The following DZIP3 variants were observed in gnomAD, a reference collection of about 807,000 sequenced individuals.
DZIP3 encodes the protein E3 ubiquitin-protein ligase DZIP3.
In DZIP3, 118 loss-of-function variants were observed where a neutral mutation model predicts 162.0. That is an observed-to-expected ratio of 0.73 (90% CI 0.63 to 0.85). The LOEUF is 0.85. Ranked by LOEUF, DZIP3 falls within the 40% of genes least tolerant of loss-of-function variation. The pLI, the probability that DZIP3 is intolerant of heterozygous loss-of-function variation, is 0.00. For missense variants in DZIP3, 1,331 were observed against 1,407.0 expected, an observed-to-expected ratio of 0.95 and a Z score of 0.86; for synonymous variants, 438 against 458.6, an observed-to-expected ratio of 0.96 and a Z score of 0.57.
In DZIP3 at chr3:108,633,006, G is replaced by A. The variant is rs750609461; in HGVS notation, c.750G>A (p.Thr250=). The A allele has an allele frequency of 1.1e-5, 16 of 1,502,848 alleles. No homozygotes were observed. The South Asian group carries it at 1.3e-4, about 12-fold the overall frequency. The allele number at this position is 1,502,848 out of a possible 1,614,324, so 93.1% of individuals were successfully genotyped here. ...KTTESNIMKQ[T]ICSYLDCERS... is the part of the protein sequence containing the mutation. Reference sequence around the variant, plus strand: ...CTGAAAGCAATATAATGAAGCAGACGATTTGTAGTTACCTAGATTGTGAAC... The same window carrying A: ...CTGAAAGCAATATAATGAAGCAGACAATTTGTAGTTACCTAGATTGTGAAC... Residue 250 remains threonine (T), a synonymous_variant, in exon 9 of 33, where the codon ACG becomes ACA. Transcript: ENST00000361582.
At chr3:108,667,336 A>G (rs574980045) in intron 21 of DZIP3, among the ~76,000 whole-genome samples, 1 of 152,288 alleles carries the variant, frequency 6.6e-6, no homozygotes, top group South Asian at 2.1e-4. Context: ...ATCACTGCAA[A>G]TACTACAAAC....
intron 21 of DZIP3, among the ~76,000 whole-genome samples, chr3:108,669,374 C>T (rs1943830223): frequency 6.6e-6 from 1 of 151,878 alleles, no homozygotes; most frequent in Admixed American, 6.6e-5. Flanking sequence ...TAAGCTGAAG[C>T]ATGAAGAGCT....
At chr3:108,616,272 A>G (rs1362576845) in intron 4 of DZIP3, among the ~76,000 whole-genome samples, 1 of 139,730 alleles carries the variant, frequency 7.2e-6, no homozygotes, top group Non-Finnish European at 1.5e-5. Context: ...TCAAAAATAA[A>G]TAAATAAATA....
chr3:108,593,048 G>A (rs774078786), intron 1 of DZIP3, among the ~76,000 whole-genome samples: 2 of 152,174 alleles, frequency 1.3e-5, no homozygotes, highest in Admixed American at 6.6e-5. Context: ...TCATGTTTAA[G>A]AGATTGGCTT....
intron 31 of DZIP3, 98 bp from the exon 32 acceptor site, chr3:108,690,689 C>T: frequency 9.4e-7 from 1 of 1,063,732 alleles, no homozygotes; most frequent in Non-Finnish European, 1.4e-6. Flanking sequence ...TAAAGATCCA[C>T]CAGAAGACAT....
chr3:108,657,056 C>T (rs1943162723), intron 19 of DZIP3, among the ~76,000 whole-genome samples: 1 of 152,212 alleles, frequency 6.6e-6, no homozygotes, highest in South Asian at 2.1e-4. Flanking sequence ...TTGGAAAACA[C>T]TCTGCAGGAT....
Position 108,686,478 on chromosome 3 carries a change from G to T in DZIP3, c.3043G>T (p.Val1015Leu). The change falls in exon 28 of 33, where the codon GTG (valine) becomes TTG (leucine). Residue 1015 changes from valine to leucine, a missense_variant. This residue lies in a region of DZIP3 where 1,278 missense variants were observed against 1,317.1 expected (regional missense o/e 0.97). Transcript: ENST00000361582. ...TGIAWALPAP[V>L]GDAVPPSAGL... ...CATAGCCTGGGCTCTGCCAGCGCCT[G>T]TGGGAGACGCTGTGCCTCCCAGTGC... 6.2e-7 allele frequency: 1 copy of T among 1,610,856 alleles called. No homozygotes were observed. The highest frequency in any genetic ancestry group is 1.1e-5 in the South Asian group (1 of 90,572).
chr3:108,589,684 C>T (rs946135093), upstream of DZIP3: 9 of 266,984 alleles, frequency 3.4e-5, no homozygotes, highest in Non-Finnish European at 6.5e-5. Flanking sequence ...CTCGCGATTT[C>T]TCGGGAGAGG....
At chr3:108,681,437 C>T (rs1430215230) in intron 26 of DZIP3, among the ~76,000 whole-genome samples, 1 of 152,098 alleles carries the variant, frequency 6.6e-6, no homozygotes, top group Non-Finnish European at 1.5e-5. Context: ...ACAACAGATA[C>T]TAGAGAGGAT....
At position 108,653,789 on chromosome 3, in the gene DZIP3, T is replaced by C. The variant is rs1305407560; in HGVS notation, c.2034-356T>C. Among the ~76,000 whole-genome samples the C allele has an allele frequency of 3.3e-5, 5 of 152,106 alleles. No individual in the cohort carries two copies. In the East Asian group the frequency reaches 9.6e-4, roughly 29 times the overall value. On this transcript the variant is annotated intron_variant, in intron 18 of 32. Coordinates refer to ENST00000361582, the MANE Select transcript of DZIP3 (RefSeq NM_014648.4). ...AGAATGTTATGATGGTAAAATAATG[T>C]AGCAGATGTGGAAATGCTTGCCAAT...
intron 8 of DZIP3, among the ~76,000 whole-genome samples, chr3:108,632,302 C>CA (rs1274077034): frequency 6.6e-6 from 1 of 151,992 alleles, no homozygotes; most frequent in East Asian, 1.9e-4. Context: ...TGAAATGGTG[C>CA]TACCATAGCT....
intron 12 of DZIP3, among the ~76,000 whole-genome samples, chr3:108,641,765 G>A (rs1395790418): frequency 6.6e-6 from 1 of 152,154 alleles, no homozygotes; most frequent in African/African-American, 2.4e-5. Flanking sequence ...TAGTGGTACT[G>A]GAGATAGAAT....
chr3:108,690,930 C>T, intron 32 of DZIP3, 27 bp downstream of exon 32: 1 of 1,596,870 alleles, frequency 6.3e-7, no homozygotes, highest in Non-Finnish European at 8.6e-7. Flanking sequence ...AAAGGAAGCT[C>T]AGTTTTCTTT....
At chr3:108,634,618 C>A (rs373995404) in intron 9 of DZIP3, among the ~76,000 whole-genome samples, 1 of 151,948 alleles carries the variant, frequency 6.6e-6, no homozygotes. Context: ...TTTTGTTGTA[C>A]GTAGAATATG....
intron 27 of DZIP3, among the ~76,000 whole-genome samples, chr3:108,684,746 G>A (rs140438698): frequency 1.7e-3 from 258 of 152,056 alleles, no homozygotes; most frequent in Non-Finnish European, 3.0e-3. Flanking sequence ...TTCCACACAC[G>A]TACACACACA....
In DZIP3 at chr3:108,602,005, T is replaced by C. The variant is rs537982954; in HGVS notation, c.-72-3330T>C. Among the ~76,000 whole-genome samples, 3 of 152,306 alleles carry C rather than the reference T, an allele frequency of 2.0e-5. No individual in the cohort carries two copies. In the South Asian group the frequency reaches 6.2e-4, roughly 32 times the overall value. Reference sequence around the variant, plus strand: ...CCAGCTGTAGCACCCAATTAAAGCCTTCTTCCTAGGCAAAACTTGTTTCAG... The same window carrying C: ...CCAGCTGTAGCACCCAATTAAAGCCCTCTTCCTAGGCAAAACTTGTTTCAG... On this transcript the variant is annotated intron_variant, in intron 1 of 32. Transcript: ENST00000361582.
At chr3:108,636,558 C>T in intron 10 of DZIP3, 58 bp from the exon 11 acceptor site, 1 of 1,093,822 alleles carries the variant, frequency 9.1e-7, no homozygotes, top group South Asian at 1.6e-5. Context: ...TAAATATAAT[C>T]AGATTTGCAC....
At chr3:108,591,623 T>C (rs998103994) in intron 1 of DZIP3, among the ~76,000 whole-genome samples, 2 of 152,228 alleles carry the variant, frequency 1.3e-5, no homozygotes, top group African/African-American at 4.8e-5. Flanking sequence ...GTGATAAGTC[T>C]TGACATTTTT....
chr3:108,597,234 CT>C (rs1356884705), intron 1 of DZIP3, among the ~76,000 whole-genome samples: 4 of 152,184 alleles, frequency 2.6e-5, no homozygotes, highest in African/African-American at 7.2e-5. Flanking sequence ...TTAACTTTCA[CT>C]TTTCAAACAG....
Sources: gnomAD v4.1 joint callset for allele counts (sites outside exome capture counted in the v4.1 genomes callset) on GRCh38, gnomAD v4.1.1 for gene constraint, gnomAD v4.1.1 regional missense constraint, MANE v1.5 for transcripts, NCBI Gene and HGNC (gene_info 2026-07-23, HGNC 2026-07-21) for gene names.